Variants in SLC25A41 observed in about 807,000 individuals in gnomAD.
SLC25A41 encodes solute carrier family 25 member 41.
A neutral mutation model predicts 34.7 loss-of-function variants in SLC25A41; 35 were observed. The ratio of observed to expected loss-of-function variants is 1.01; its 90% CI spans 0.77 to 1.34. The LOEUF is 1.34. SLC25A41 is among the 40% of genes most tolerant of loss of function. The pLI, the probability that SLC25A41 is intolerant of heterozygous loss-of-function variation, is 0.00. For missense variants in SLC25A41, 492 were observed against 489.8 expected (o/e 1.00, Z -0.04); for synonymous variants, 190 against 209.9 (o/e 0.91, Z 0.82).
intron 6 of SLC25A41, 120 bp from the exon 7 acceptor site, chr19:6,426,681 C>G (rs189592073): frequency 0.014 from 13,891 of 1,018,586 alleles, 147 homozygotes; most frequent in South Asian, 0.028. Context: ...AGTAGGAAAA[C>G]AGTTTGAAGA....
At chr19:6,433,780 G>T, upstream of SLC25A41, 1 of 1,158,570 alleles carries the variant, frequency 8.6e-7, no homozygotes, top group Non-Finnish European at 1.2e-6. Context: ...TGGGAGGATT[G>T]TGTGGGGGAC....
In SLC25A41 at chr19:6,427,494, T is replaced by C; in HGVS notation, c.632A>G (p.Lys211Arg). 1 of 1,537,500 alleles carries C rather than the reference T, an allele frequency of 6.5e-7. No individual in the cohort carries two copies. Among genetic ancestry groups the C allele is most frequent in the Non-Finnish European group, 8.8e-7 (1 of 1,135,770 alleles). Residue 211 changes from lysine to arginine, a missense_variant, in exon 5 of 7, where the codon AAG becomes AGG. Lys to Arg is a conservative substitution (Grantham distance 26). Coordinates refer to ENST00000321510, the MANE Select transcript of SLC25A41 (RefSeq NM_173637.4). The surrounding 1 kb of genome is among the most constrained non-coding windows in gnomAD (Gnocchi z 4.9). Reference sequence around the variant, plus strand: ...CGTCCGACGCAAGGTCAACCGCGTCTTCAGCACCTGAGGATGGCGGGGAAC... The same window carrying C: ...CGTCCGACGCAAGGTCAACCGCGTCCTCAGCACCTGAGGATGGCGGGGAAC... ...QTLINPMEVL[K>R]TRLTLRRTGQ...
At chr19:6,426,631 C>A in intron 6 of SLC25A41, 70 bp from the exon 7 acceptor site, 1 of 1,553,828 alleles carries the variant, frequency 6.4e-7, no homozygotes, top group Admixed American at 1.8e-5. Context: ...TGGAATGTTG[C>A]GGACAGGTGC....
At chr19:6,434,465 G>A (rs2092299383), upstream of SLC25A41, among the ~76,000 whole-genome samples, 1 of 152,210 alleles carries the variant, frequency 6.6e-6, no homozygotes. Flanking sequence ...AGCAGGAACT[G>A]AGCTAGCCAG....
rs755534579 is a variant in SLC25A41, at chr19:6,432,030, C to T, written c.363+19G>A. On this transcript the variant is annotated intron_variant, in intron 2 of 6. Coordinates refer to ENST00000321510, the MANE Select transcript of SLC25A41 (RefSeq NM_173637.4). The stretch of plus-strand genomic sequence containing the variant: ...TGGCTCCAGCGCTGGGTCCCGTCCT[C>T]CCCCCAACCCACACAAACCTGCATG... 1 of 1,600,626 alleles carries T rather than the reference C, an allele frequency of 6.2e-7. No individual in the cohort carries two copies. The highest frequency in any genetic ancestry group is 1.1e-5 in the South Asian group (1 of 89,132).
chr19:6,426,824 G>C (rs1202239424), intron 6 of SLC25A41, among the ~76,000 whole-genome samples: 1 of 152,200 alleles, frequency 6.6e-6, no homozygotes, highest in Non-Finnish European at 1.5e-5. Flanking sequence ...GCAGGCTGGA[G>C]TGTGGAGGCA....
In SLC25A41 at chr19:6,433,538, G is replaced by A. The variant is rs758922861; in HGVS notation, c.156C>T (p.Tyr52=). Residue 52 remains tyrosine (Y), a synonymous_variant, in exon 1 of 7, where the codon TAC becomes TAT. Coordinates refer to ENST00000321510, the MANE Select transcript of SLC25A41 (RefSeq NM_173637.4). ...TGTTGTCATGCATGTGGCCAAACGC[G>A]TACCCATACACGTGTGTACAGCCAG... ...WNPGCTHVYG[Y]AFGHMHDNNL... is the part of the protein sequence containing the mutation. The A allele has an allele frequency of 2.0e-5, 32 of 1,612,718 alleles. No individual in the cohort carries two copies. Among genetic ancestry groups the A allele is most frequent in the Non-Finnish European group, 2.4e-5 (28 of 1,179,560 alleles).
Position 6,426,527 on chromosome 19 carries a change from T to C in SLC25A41, c.975A>G (p.Gly325=). The change falls in exon 7 of 7, where the codon GGA becomes GGG. Residue 325 remains glycine (G), a synonymous_variant. Transcript: ENST00000321510. ...GCTGGGCCAGGATCCGCTGGAGGAC[T>C]CCGCGCATGGTGGGATTTGAGCCCT... ...TVEGSNPTMR[G]VLQRILAQQG... is the part of the protein sequence containing the mutation. 6.2e-7 allele frequency: 1 copy of C among 1,613,262 alleles called. No homozygotes were observed. The highest frequency in any genetic ancestry group is 1.1e-5 in the South Asian group (1 of 91,074).
At chr19:6,433,776 G>T, upstream of SLC25A41, 2 of 1,177,244 alleles carry the variant, frequency 1.7e-6, no homozygotes, top group Non-Finnish European at 2.3e-6. Flanking sequence ...CTAGTGGGAG[G>T]ATTGTGTGGG....
intron 4 of SLC25A41, among the ~76,000 whole-genome samples, chr19:6,429,253 A>G (rs1309745851): frequency 9.3e-6 from 1 of 107,464 alleles, no homozygotes; most frequent in East Asian, 2.6e-4. Flanking sequence ...TGTTATATAT[A>G]TGTATATGTG....
At position 6,433,710 on chromosome 19, in the gene SLC25A41, C is replaced by T; in HGVS notation, c.-17G>A. On this transcript the variant is annotated 5_prime_UTR_variant, in exon 1 of 7. It adds an upstream start codon to the 5' untranslated region. Coordinates refer to ENST00000321510, the MANE Select transcript of SLC25A41 (RefSeq NM_173637.4). The stretch of plus-strand genomic sequence containing the variant: ...AGCGCCCATGGAGGAAGTTAGGACA[C>T]CTGGCTTCAAATCCCTAAGCAGTTG... 6.6e-7 allele frequency: 1 copy of T among 1,523,944 alleles called. No homozygotes were observed. The highest frequency in any genetic ancestry group is 2.3e-5 in the East Asian group (1 of 43,514). The allele number at this position is 1,523,944 out of a possible 1,614,324, so 94.4% of individuals were successfully genotyped here.
chr19:6,431,802 C>T (rs1019398225), intron 2 of SLC25A41, among the ~76,000 whole-genome samples: 6 of 152,096 alleles, frequency 3.9e-5, no homozygotes, highest in African/African-American at 1.4e-4. Flanking sequence ...CCTCCAACCC[C>T]CACCTTGGCC....
At chr19:6,426,657 G>C (rs1426688799) in intron 6 of SLC25A41, 96 bp from the exon 7 acceptor site, 2 of 1,362,642 alleles carry the variant, frequency 1.5e-6, no homozygotes, top group Admixed American at 4.1e-5. Context: ...CCACGGGTAG[G>C]GGCCCCAGGG....
At chr19:6,429,434 G>GGAGGGGAGGAGGAGGGAGAAAGGAA (rs2092272070) in intron 4 of SLC25A41, among the ~76,000 whole-genome samples, 1 of 64,562 alleles carries the variant, frequency 1.5e-5, no homozygotes, top group Admixed American at 1.9e-4. Context: ...GGAGAAAGGA[G>GGAGGGGAGGAGGAGGGAGAAAGGAA]GAGGGAAGGA....
rs1341180707 is a variant in SLC25A41, at chr19:6,426,122, A to T, written c.*267T>A. The T allele has an allele frequency of 2.2e-6, 1 of 459,370 alleles. No individual in the cohort carries two copies. The highest frequency in any genetic ancestry group is 4.0e-6 in the Non-Finnish European group (1 of 250,866). The allele number at this position is 459,370 out of a possible 1,614,324, so 28.5% of individuals were successfully genotyped here. A position where few individuals can be genotyped will look rare whatever the true frequency, so the allele number is the denominator to read the frequency against. On this transcript the variant is annotated 3_prime_UTR_variant, in exon 7 of 7. Transcript: ENST00000321510. The stretch of plus-strand genomic sequence containing the variant: ...GCCAGGACGACCCACAAGGGGCCAG[A>T]CTGGAGTCCACGTTTCTTGTCTCAG...
At chr19:6,429,023 T>TTATATATATA (rs1188926856) in intron 4 of SLC25A41, among the ~76,000 whole-genome samples, 4 of 51,854 alleles carry the variant, frequency 7.7e-5, no homozygotes, top group Non-Finnish European at 1.2e-4. Flanking sequence ...GCCTGAAAAT[T>TTATATATATA]TATATATATA....
Position 6,433,494 on chromosome 19 carries a change from G to C in SLC25A41, c.200C>G (p.Ser67Ter). Residue 67 changes from serine (S) to a stop codon, truncating the protein, a stop_gained, in exon 1 of 7, where the codon TCA becomes TGA. Transcript: ENST00000321510. LOFTEE classifies it high-confidence loss of function. ...GGTGTTTCCTAAACTCACCTGCTGT[G>C]ACGGGAGATGTTCAAGGTTGTTGTC... ...MHDNNLEHLP[S>*]QQVLDTGEQL... The C allele has an allele frequency of 6.2e-7, 1 of 1,612,500 alleles. No individual in the cohort carries two copies. The highest frequency in any genetic ancestry group is 8.5e-7 in the Non-Finnish European group (1 of 1,179,844).
rs754195095 is a variant in SLC25A41 at position 6,427,461 on chromosome 19, T to A, written c.665A>T (p.Tyr222Phe). The change falls in exon 5 of 7, where the codon TAC becomes TTC. Residue 222 changes from tyrosine (Y) to phenylalanine (F), a missense_variant. Coordinates refer to ENST00000321510, the MANE Select transcript of SLC25A41 (RefSeq NM_173637.4). The surrounding 1 kb of genome is among the most constrained non-coding windows in gnomAD (Gnocchi z 4.9). ...TRLTLRRTGQ[Y>F]KGLLDCARQI... ...CCTGGCGCAGTCCAGCAGCCCCTTGTACTGGCCCGTCCGACGCAAGGTCAA... is the reference window on the plus strand; with the variant it reads ...CCTGGCGCAGTCCAGCAGCCCCTTGAACTGGCCCGTCCGACGCAAGGTCAA... The A allele has an allele frequency of 1.1e-5, 17 of 1,586,140 alleles. No individual in the cohort carries two copies. In the East Asian group the frequency reaches 3.6e-4, roughly 34 times the overall value.
chr19:6,427,170 T>C lies in SLC25A41; in HGVS notation c.873A>G (p.Leu291=). 1 of 1,611,950 alleles carries C rather than the reference T, an allele frequency of 6.2e-7. No homozygotes were observed. Among genetic ancestry groups the C allele is most frequent in the Non-Finnish European group, 8.5e-7 (1 of 1,179,534 alleles). Reference sequence around the variant, plus strand: ...TGGCCATCTGGCCACAGGTCGTGGATAGCGTCACAGACGACAGACTGACCA... The same window carrying C: ...TGGCCATCTGGCCACAGGTCGTGGACAGCGTCACAGACGACAGACTGACCA... ...SGLVSLSSVT[L]STTCGQMASY... is the part of the protein sequence containing the mutation. Residue 291 remains leucine (L), a synonymous_variant, in exon 6 of 7, where the codon CTA becomes CTG. Coordinates refer to ENST00000321510, the MANE Select transcript of SLC25A41 (RefSeq NM_173637.4). This position sits in a 1 kb window ranked among gnomAD's most constrained non-coding sequence, Gnocchi z 4.9.
Sources: gnomAD v4.1 joint callset for allele counts (sites outside exome capture counted in the v4.1 genomes callset) on GRCh38, gnomAD v4.1.1 for gene constraint, Gnocchi (gnomAD v3.1) non-coding constraint, MANE v1.5 for transcripts, NCBI Gene and HGNC (gene_info 2026-07-23, HGNC 2026-07-21) for gene names.